NRXN1: variants seen among roughly 807,000 people sequenced by gnomAD.
The protein encoded by NRXN1 is neurexin 1.
Under a neutral mutation model 150.9 loss-of-function variants are expected in NRXN1, and 39 were observed. That is an observed-to-expected ratio of 0.26 (90% CI 0.20 to 0.34). The LOEUF (loss-of-function observed/expected upper bound fraction) is 0.34. Among genes scored for constraint, NRXN1 ranks in the 10% least tolerant of loss-of-function variants. NRXN1 has a pLI of 1.00. For synonymous variants in NRXN1, 924 were observed against 757.0 expected (o/e 1.22, Z -3.62); for missense variants, 1,815 against 1,949.9 (o/e 0.93, Z 1.30).
chr2:50,592,791 T>C (rs993945341), intron 8 of NRXN1, among the ~76,000 whole-genome samples: 2 of 152,160 alleles, frequency 1.3e-5, no homozygotes, highest in South Asian at 4.1e-4. Context: ...TGTGTATAGT[T>C]TGAGTATGTG....
At chr2:50,776,744 T>C (rs981353520) in intron 5 of NRXN1, among the ~76,000 whole-genome samples, 1 of 151,638 alleles carries the variant, frequency 6.6e-6, no homozygotes, top group African/African-American at 2.4e-5. Context: ...AGGAGTTAAG[T>C]CTCATTTTTA....
chr2:50,730,676 T>C (rs1002569517), intron 5 of NRXN1, among the ~76,000 whole-genome samples: 3 of 144,402 alleles, frequency 2.1e-5, no homozygotes, highest in Non-Finnish European at 4.6e-5. Context: ...TGTTTTCTTT[T>C]TTTTTTTTTT....
chr2:50,107,901 A>T (rs1005554508), intron 18 of NRXN1, among the ~76,000 whole-genome samples: 1 of 151,900 alleles, frequency 6.6e-6, no homozygotes, highest in African/African-American at 2.4e-5. Flanking sequence ...CTAAATTCTT[A>T]TATTAACTCT....
chr2:50,277,382 G>GTCCTTCCTTCCT (rs1159581983), intron 17 of NRXN1, among the ~76,000 whole-genome samples: 4 of 132,060 alleles, frequency 3.0e-5, no homozygotes, highest in African/African-American at 1.1e-4. Context: ...AAAAAGGTCC[G>GTCCTTCCTTCCT]TCCTTCCTTC....
chr2:51,000,672 A>T (rs1699917895), intron 2 of NRXN1, among the ~76,000 whole-genome samples: 2 of 152,002 alleles, frequency 1.3e-5, no homozygotes, highest in Admixed American at 1.3e-4. Context: ...GAAATAACAG[A>T]GACAGATGTT....
intron 21 of NRXN1, among the ~76,000 whole-genome samples, chr2:50,013,484 C>T (rs781134888): frequency 7.2e-5 from 11 of 152,000 alleles, no homozygotes; most frequent in Middle Eastern, 6.8e-3. Context: ...TTACTTTTGT[C>T]GTGGTTTATT....
chr2:49,996,968 TACA>T (rs1468560407), intron 21 of NRXN1, among the ~76,000 whole-genome samples: 1 of 152,232 alleles, frequency 6.6e-6, no homozygotes, highest in East Asian at 1.9e-4. Context: ...ATTATTTCAT[TACA>T]ACATTTATGT....
At chr2:50,683,576 G>T (rs1690742244) in intron 5 of NRXN1, among the ~76,000 whole-genome samples, 1 of 133,448 alleles carries the variant, frequency 7.5e-6, no homozygotes, top group Non-Finnish European at 1.6e-5. Context: ...ACTGTGCAGT[G>T]AACCAAGATC....
rs554227123 is a variant in NRXN1, at chr2:50,772,483, G to T, written c.833-148868C>A. ...GTCAGGAAAAGATAAGTACAGTAAT[G>T]ACATCAAAATGAGCTTGGTTTTACA... On this transcript the variant is annotated intron_variant, in intron 5 of 22. Transcript: ENST00000401669. 1.2e-3 allele frequency among the ~76,000 whole-genome samples: 186 copies of T among 151,572 alleles called. 1 individual carries two copies. The highest frequency in any genetic ancestry group is 2.2e-3 in the Non-Finnish European group (150 of 67,876).
chr2:50,519,735 T>C (rs909618539), intron 12 of NRXN1, among the ~76,000 whole-genome samples: 45 of 151,936 alleles, frequency 3.0e-4, no homozygotes, highest in African/African-American at 1.0e-3. Flanking sequence ...GCTATTCAAA[T>C]CTGGTTTATT....
chr2:50,373,701 AAGAAAGAAAG>A (rs1558620665), intron 17 of NRXN1, among the ~76,000 whole-genome samples: 3 of 137,916 alleles, frequency 2.2e-5, no homozygotes, highest in African/African-American at 5.1e-5. Flanking sequence ...GAAAGAAAGA[AAGAAAGAAAG>A]AGAAAGAAAG....
chr2:50,764,059 C>T (rs1359972555), intron 5 of NRXN1, among the ~76,000 whole-genome samples: 1 of 151,568 alleles, frequency 6.6e-6, no homozygotes, highest in East Asian at 2.0e-4. Flanking sequence ...ATCCCTCCTC[C>T]CTTGTCTCCT....
chr2:50,794,494 A>C (rs1706510644), intron 5 of NRXN1, among the ~76,000 whole-genome samples: 1 of 152,076 alleles, frequency 6.6e-6, no homozygotes, highest in South Asian at 2.1e-4. Context: ...GCTGGGTAGC[A>C]CTCTTTCATA....
chr2:50,183,004 C>A (rs914986930), intron 18 of NRXN1, among the ~76,000 whole-genome samples: 1 of 151,880 alleles, frequency 6.6e-6, no homozygotes, highest in African/African-American at 2.4e-5. Context: ...TGTATACATA[C>A]CATAGAGAGA....
chr2:50,356,652 T>C (rs913008454), intron 17 of NRXN1, among the ~76,000 whole-genome samples: 2 of 152,170 alleles, frequency 1.3e-5, no homozygotes, highest in South Asian at 2.1e-4. Context: ...GTAGAAAACA[T>C]TATGCCTGCA....
chr2:50,865,632 C>A, intron 5 of NRXN1, among the ~76,000 whole-genome samples: 1 of 112,108 alleles, frequency 8.9e-6, no homozygotes, highest in South Asian at 3.1e-4. Flanking sequence ...ACCTGGCACA[C>A]AGTAATTCCC....
At chr2:51,001,002 T>C (rs1237389830) in intron 2 of NRXN1, among the ~76,000 whole-genome samples, 1 of 151,882 alleles carries the variant, frequency 6.6e-6, no homozygotes, top group African/African-American at 2.4e-5. Context: ...GAGTTGAGAC[T>C]TGTAAGGATG....
In NRXN1 at chr2:50,907,153, A is replaced by G. The variant is rs147609235; in HGVS notation, c.832+14716T>C. 1.3e-4 allele frequency among the ~76,000 whole-genome samples: 20 copies of G among 151,978 alleles called. No homozygotes were observed. In the East Asian group the frequency reaches 3.7e-3, roughly 28 times the overall value. On this transcript the variant is annotated intron_variant, in intron 5 of 22. Coordinates refer to ENST00000401669, the MANE Select transcript of NRXN1 (RefSeq NM_001330078.2). ...CCTATACTCTGGAGGGAAAAATGCT[A>G]CAAAGAGAAGAATCTGAAAAAAACC...
rs137967215 is a variant in NRXN1, at chr2:50,821,926, T to C, written c.832+99943A>G. The stretch of plus-strand genomic sequence containing the variant: ...TGGAAATGCTTCCTTTATTTATTTA[T>C]TTATTTTTAATTTTCTGAGGGAAAA... On this transcript the variant is annotated intron_variant, in intron 5 of 22. Coordinates refer to ENST00000401669, the MANE Select transcript of NRXN1 (RefSeq NM_001330078.2). 5.3e-5 allele frequency among the ~76,000 whole-genome samples: 8 copies of C among 152,252 alleles called. No homozygotes were observed. In the East Asian group the frequency reaches 7.7e-4, roughly 15 times the overall value.
Sources: allele counts gnomAD v4.1 joint callset (sites outside exome capture counted in the v4.1 genomes callset), GRCh38; gene constraint gnomAD v4.1.1; transcripts MANE v1.5; gene names NCBI Gene and HGNC (gene_info 2026-07-23, HGNC 2026-07-21).